The following GBF1 variants were observed in gnomAD, a reference collection of about 807,000 sequenced individuals.
GBF1 encodes the protein Golgi-specific brefeldin A-resistance guanine nucleotide exchange factor 1.
A neutral mutation model predicts 210.5 loss-of-function variants in GBF1; 114 were observed. That is an observed-to-expected ratio of 0.54 (90% CI 0.47 to 0.63). The LOEUF (loss-of-function observed/expected upper bound fraction) is 0.63, where lower values mean the gene tolerates loss of function less well. Among genes scored for constraint, GBF1 ranks in the 30% least tolerant of loss-of-function variants. The pLI, the probability that GBF1 is intolerant of heterozygous loss-of-function variation, is 0.00. For synonymous variants in GBF1, 850 were observed against 889.2 expected (o/e 0.96, Z 0.78); for missense variants, 1,851 against 2,357.7 (o/e 0.79, Z 4.45).
At chr10:102,345,646 C>CAAAAAAAAAA (rs59037566) in intron 4 of GBF1, among the ~76,000 whole-genome samples, 1 of 17,982 alleles carries the variant, frequency 5.6e-5, no homozygotes, top group Non-Finnish European at 1.3e-4. Flanking sequence ...GACTCCGTCT[C>CAAAAAAAAAA]AAAAAAAAAA....
chr10:102,379,003 G>C (rs2060677578), intron 33 of GBF1, among the ~76,000 whole-genome samples: 1 of 152,196 alleles, frequency 6.6e-6, no homozygotes, highest in Non-Finnish European at 1.5e-5. Flanking sequence ...GAATTGAAAA[G>C]AAAGTATCTT....
At chr10:102,258,503 G>T (rs573792912) in intron 1 of GBF1, among the ~76,000 whole-genome samples, 2 of 148,740 alleles carry the variant, frequency 1.3e-5, no homozygotes, top group East Asian at 4.2e-4. Flanking sequence ...CAGGTGCAGT[G>T]GCTCACGCCT....
Position 102,363,843 on chromosome 10 carries a change from G to A in GBF1, c.2106+45G>A, listed in dbSNP as rs1007034034. On this transcript the variant is annotated intron_variant, in intron 17 of 39. Coordinates refer to ENST00000369983, the MANE Select transcript of GBF1 (RefSeq NM_001377137.1). This position sits in a 1 kb window ranked among gnomAD's most constrained non-coding sequence, Gnocchi z 4.2. Reference sequence around the variant, plus strand: ...AGCCTCTGTCCACCTCTGTCTGGGTGTCCAGTGTTGTAGGGTTTCCATCTC... The same window carrying A: ...AGCCTCTGTCCACCTCTGTCTGGGTATCCAGTGTTGTAGGGTTTCCATCTC... The A allele has an allele frequency of 1.8e-6, 2 of 1,129,820 alleles. No individual in the cohort carries two copies. The highest frequency in any genetic ancestry group is 1.9e-4 in the Middle Eastern group (1 of 5,150). 70.0% of individuals were successfully genotyped at this position (1,129,820 alleles called of 1,614,324 possible).
chr10:102,378,381 G>A (rs1726579829), intron 33 of GBF1, among the ~76,000 whole-genome samples: 1 of 152,270 alleles, frequency 6.6e-6, no homozygotes, highest in East Asian at 1.9e-4. Flanking sequence ...CCAGCACTTT[G>A]GGAGGCTGAG....
At chr10:102,254,104 T>G (rs1437400614) in intron 1 of GBF1, among the ~76,000 whole-genome samples, 1 of 152,238 alleles carries the variant, frequency 6.6e-6, no homozygotes. Context: ...TTGTGCCTTA[T>G]CTTTTCCCTC....
At chr10:102,266,652 G>A (rs1302019004) in intron 3 of GBF1, among the ~76,000 whole-genome samples, 1 of 152,186 alleles carries the variant, frequency 6.6e-6, no homozygotes, top group Non-Finnish European at 1.5e-5. Flanking sequence ...TAAGGAACAA[G>A]CCAAAGAAAT....
At chr10:102,288,736 CAAAA>C (rs551813534) in intron 3 of GBF1, among the ~76,000 whole-genome samples, 11 of 130,522 alleles carry the variant, frequency 8.4e-5, no homozygotes, top group African/African-American at 3.2e-4. Context: ...AAAAAAAAAA[CAAAA>C]AAAAAAAACG....
At chr10:102,233,289 T>C in the GBF1 span, among the ~76,000 whole-genome samples, 169 of 18,358 alleles carry the variant, frequency 9.2e-3, 2 homozygotes, top group African/African-American at 0.067. Flanking sequence ...ACTTCTTTCT[T>C]TTTTTTTTTT....
At chr10:102,249,866 A>G (rs1315279945) in intron 1 of GBF1, among the ~76,000 whole-genome samples, 8 of 151,712 alleles carry the variant, frequency 5.3e-5, no homozygotes, top group African/African-American at 1.9e-4. Flanking sequence ...TAATTTTTGT[A>G]TTTTTAATAG....
chr10:102,231,574 T>G, the GBF1 span: 106 of 1,551,604 alleles, frequency 6.8e-5, no homozygotes, highest in Admixed American at 7.3e-5. Context: ...GAGTCGCGGG[T>G]CTGGAGAGCA....
chr10:102,253,792 C>T (rs566577743), intron 1 of GBF1, among the ~76,000 whole-genome samples: 5 of 152,266 alleles, frequency 3.3e-5, no homozygotes, highest in Admixed American at 2.0e-4. Context: ...GGATTATAGG[C>T]GTGAGCACCT....
the GBF1 span, among the ~76,000 whole-genome samples, chr10:102,235,186 C>T: frequency 6.9e-6 from 1 of 144,630 alleles, no homozygotes; most frequent in Non-Finnish European, 1.5e-5. Context: ...CCCACCCCCC[C>T]ACCGCCTCCC....
chr10:102,351,109 T>C (rs1319091436), intron 4 of GBF1, 147 bp from the exon 5 acceptor site: 2 of 541,664 alleles, frequency 3.7e-6, no homozygotes, highest in African/African-American at 2.0e-5. Flanking sequence ...AAAAAATCAG[T>C]TGTGGGCAAA....
intron 3 of GBF1, among the ~76,000 whole-genome samples, chr10:102,318,064 A>G (rs1375948383): frequency 2.0e-5 from 3 of 151,892 alleles, no homozygotes; most frequent in African/African-American, 4.8e-5. Flanking sequence ...GCCTGCCACC[A>G]CGCCTGGCTA....
intron 3 of GBF1, among the ~76,000 whole-genome samples, chr10:102,299,145 T>C (rs2077136355): frequency 6.6e-6 from 1 of 152,156 alleles, no homozygotes; most frequent in Admixed American, 6.5e-5. Context: ...TACCATAAAA[T>C]GAGGATGGTA....
At chr10:102,378,292 A>G (rs1258955283) in intron 33 of GBF1, among the ~76,000 whole-genome samples, 1 of 152,014 alleles carries the variant, frequency 6.6e-6, no homozygotes, top group African/African-American at 2.4e-5. Flanking sequence ...ACTATTGCCC[A>G]ATCAAAGCCT....
At chr10:102,320,293 A>G (rs1250111046) in intron 3 of GBF1, among the ~76,000 whole-genome samples, 2 of 151,586 alleles carry the variant, frequency 1.3e-5, no homozygotes, top group African/African-American at 4.9e-5. Context: ...CTGATGCCAT[A>G]TTGAATCTCA....
At chr10:102,248,016 A>G (rs547411133) in intron 1 of GBF1, among the ~76,000 whole-genome samples, 1 of 152,332 alleles carries the variant, frequency 6.6e-6, no homozygotes, top group African/African-American at 2.4e-5. Flanking sequence ...GTGGGCAGCT[A>G]AAGAGGAAGA....
chr10:102,375,340 T>G lies in GBF1; in HGVS notation c.3661-19T>G. ...CACAGCTCCCCGCTTCCCCGCTCCCTGCCCTAACCCCACTCCAGGTGCTGC... is the reference window on the plus strand; with the variant it reads ...CACAGCTCCCCGCTTCCCCGCTCCCGGCCCTAACCCCACTCCAGGTGCTGC... On this transcript the variant is annotated intron_variant, in intron 29 of 39. Transcript: ENST00000369983. 6.7e-7 allele frequency: 1 copy of G among 1,488,346 alleles called. No homozygotes were observed. The allele number at this position is 1,488,346 out of a possible 1,614,324, so 92.2% of individuals were successfully genotyped here. A position where few individuals can be genotyped will look rare whatever the true frequency, so the allele number is the denominator to read the frequency against.
Sources: gnomAD v4.1 joint callset for allele counts (sites outside exome capture counted in the v4.1 genomes callset) on GRCh38, gnomAD v4.1.1 for gene constraint, Gnocchi (gnomAD v3.1) non-coding constraint, MANE v1.5 for transcripts, NCBI Gene and HGNC (gene_info 2026-07-23, HGNC 2026-07-21) for gene names.